Variants in HMCN1 observed in about 807,000 individuals in gnomAD.
HMCN1 encodes the protein hemicentin 1.
In HMCN1, 321 loss-of-function variants were observed where a neutral mutation model predicts 625.9. The observed-to-expected ratio is 0.51, with a 90% CI of 0.47 to 0.56. HMCN1 has a LOEUF of 0.56. Ranked by LOEUF, HMCN1 falls within the 20% of genes least tolerant of loss-of-function variation. HMCN1 has a pLI of 0.00. For synonymous variants in HMCN1, 2,425 were observed against 2,417.6 expected (o/e 1.00, Z -0.09); for missense variants, 6,588 against 6,887.3 (o/e 0.96, Z 1.54).
intron 4 of HMCN1, among the ~76,000 whole-genome samples, chr1:185,889,946 C>A (rs1288411944): frequency 6.7e-6 from 1 of 148,870 alleles, no homozygotes; most frequent in Non-Finnish European, 1.5e-5. Context: ...GTCTTTGACA[C>A]TTTTTGGTTG....
intron 1 of HMCN1, among the ~76,000 whole-genome samples, chr1:185,816,242 T>C (rs1659841385): frequency 6.6e-6 from 1 of 152,234 alleles, no homozygotes; most frequent in Non-Finnish European, 1.5e-5. Flanking sequence ...ATCCATGTGC[T>C]AGGCTGACTT....
intron 11 of HMCN1, among the ~76,000 whole-genome samples, chr1:185,956,670 T>A (rs11586893): frequency 0.19 from 29,265 of 152,014 alleles, 3,315 homozygotes; most frequent in Non-Finnish European, 0.25. Flanking sequence ...GTAGACATGA[T>A]TGATTACATC....
At chr1:186,019,367 A>G (rs183488730) in intron 34 of HMCN1, among the ~76,000 whole-genome samples, 174 bp from the exon 35 acceptor site, 1 of 152,188 alleles carries the variant, frequency 6.6e-6, no homozygotes, top group East Asian at 1.9e-4. Context: ...ACTAATCTAT[A>G]AACTTGCTAA....
At chr1:186,005,467 GTT>G (rs1234146932) in intron 29 of HMCN1, among the ~76,000 whole-genome samples, 1 of 142,046 alleles carries the variant, frequency 7.0e-6, no homozygotes, top group Non-Finnish European at 1.5e-5. Flanking sequence ...TTATAAACAA[GTT>G]TTTAATTGTT....
chr1:186,175,725 AAG>A (rs1289562455), intron 103 of HMCN1, among the ~76,000 whole-genome samples: 1 of 152,080 alleles, frequency 6.6e-6, no homozygotes, highest in East Asian at 1.9e-4. Context: ...GCCTCAATAA[AAG>A]AGTTAAAATG....
chr1:186,094,404 T>A, intron 67 of HMCN1, 31 bp downstream of exon 67: 1 of 1,492,366 alleles, frequency 6.7e-7, no homozygotes, highest in Non-Finnish European at 9.3e-7. Context: ...CCTATTACTT[T>A]GCTATGTCAA....
intron 1 of HMCN1, among the ~76,000 whole-genome samples, chr1:185,807,783 T>C (rs1479454949): frequency 3.9e-5 from 6 of 152,156 alleles, no homozygotes; most frequent in Admixed American, 3.9e-4. Flanking sequence ...TGATAATACT[T>C]TTTTTCCTTG....
At position 185,864,633 on chromosome 1, in the gene HMCN1, G is replaced by C. The variant is rs1292163023; in HGVS notation, c.498+5G>C. On this transcript the variant is annotated splice_donor_5th_base_variant and intron_variant, in intron 3 of 106. Transcript: ENST00000271588. The stretch of plus-strand genomic sequence containing the variant: ...ATCCAACAGAAACAGTCACAAGTGA[G>C]TAAGAATCAACCCCAAACGTCTCTG... 2 of 1,613,552 alleles carry C rather than the reference G, an allele frequency of 1.2e-6. No individual in the cohort carries two copies. The highest frequency in any genetic ancestry group is 1.7e-6 in the Non-Finnish European group (2 of 1,179,700).
chr1:186,035,870 CA>C lies in HMCN1; in HGVS notation c.5750-2063del, dbSNP rs1270970209. ...AAACACACACATACACATATGCATA[CA>C]CAATCTGCATGGGTACTTTTATTTT... is the stretch of plus-strand genomic sequence containing the variant. On this transcript the variant is annotated intron_variant, in intron 36 of 106. Transcript: ENST00000271588. Among the ~76,000 whole-genome samples the C allele has an allele frequency of 3.3e-5, 5 of 152,206 alleles. No individual in the cohort carries two copies. The East Asian group carries it at 5.8e-4, about 18-fold the overall frequency.
chr1:186,001,271 C>G (rs1222712703), intron 26 of HMCN1, 27 bp from the exon 27 acceptor site: 3 of 1,592,908 alleles, frequency 1.9e-6, no homozygotes, highest in South Asian at 1.1e-5. Context: ...ATGAAACTAG[C>G]TAGCTATGAC....
At chr1:186,139,016 A>C (rs1239634525) in intron 89 of HMCN1, among the ~76,000 whole-genome samples, 3 of 152,200 alleles carry the variant, frequency 2.0e-5, no homozygotes, top group Non-Finnish European at 4.4e-5. Context: ...TACCCAAAAA[A>C]CTCAGAGACT....
intron 1 of HMCN1, among the ~76,000 whole-genome samples, chr1:185,774,819 A>G (rs993967080): frequency 4.6e-5 from 7 of 152,186 alleles, no homozygotes; most frequent in African/African-American, 1.7e-4. Flanking sequence ...ATGACTTTGG[A>G]AACTTAGGGT....
rs1650151052 is a variant in HMCN1, at chr1:186,144,357, ACT to A, written c.14095+15_14095+16del. ...GAAATTGTCCAAGTAAGAGAAATAC[ACT>A]GTTTATACCTTAATAAATTAACATC... On this transcript the variant is annotated intron_variant, in intron 90 of 106. Coordinates refer to ENST00000271588, the MANE Select transcript of HMCN1 (RefSeq NM_031935.3). 1 of 1,611,998 alleles carries A rather than the reference ACT, an allele frequency of 6.2e-7. No homozygotes were observed. Among genetic ancestry groups the A allele is most frequent in the South Asian group, 1.1e-5 (1 of 91,010 alleles).
intron 34 of HMCN1, 112 bp from the exon 35 acceptor site, chr1:186,019,429 G>T (rs1318667838): frequency 1.3e-6 from 1 of 757,438 alleles, no homozygotes; most frequent in African/African-American, 2.3e-5. Flanking sequence ...TTAAAATAGG[G>T]ATTTGCTTTT....
chr1:186,145,635 C>A (rs1025784767), intron 92 of HMCN1, 62 bp downstream of exon 92: 4 of 1,608,866 alleles, frequency 2.5e-6, no homozygotes, highest in Non-Finnish European at 3.4e-6. Context: ...CTCATTGTAG[C>A]AGGCCTATTG....
rs773447447 is a variant in HMCN1, at chr1:186,062,572, G to C, written c.7485G>C (p.Gln2495His). Residue 2495 changes from glutamine to histidine, a missense_variant, in exon 48 of 107, where the codon CAG becomes CAC. Physicochemically the swap from Gln to His is conservative, Grantham distance 24. This residue lies in a region of HMCN1 where 4,628 missense variants were observed against 4,853.1 expected (regional missense o/e 0.95). Coordinates refer to ENST00000271588, the MANE Select transcript of HMCN1 (RefSeq NM_031935.3). ...TLEDVKVKEK[Q>H]SVTLTCEVTG... ...AAGATGTGAAGGTAAAAGAGAAACA[G>C]AGTGTTACGCTGACTTGTGAAGTGA... The C allele has an allele frequency of 7.4e-6, 12 of 1,612,768 alleles. No homozygotes were observed. The highest frequency in any genetic ancestry group is 1.0e-5 in the Non-Finnish European group (12 of 1,178,990).
chr1:186,127,554 G>A (rs970926288), intron 82 of HMCN1, among the ~76,000 whole-genome samples: 2 of 152,052 alleles, frequency 1.3e-5, no homozygotes, highest in African/African-American at 2.4e-5. Flanking sequence ...AGGTGGTTTC[G>A]CATAGAAAGG....
At chr1:185,911,199 G>A (rs112746224) in intron 5 of HMCN1, among the ~76,000 whole-genome samples, 138 of 152,172 alleles carry the variant, frequency 9.1e-4, no homozygotes, top group African/African-American at 3.2e-3. Context: ...ATTCTGGTTT[G>A]CTGTGTTTTC....
intron 71 of HMCN1, among the ~76,000 whole-genome samples, chr1:186,112,233 C>G (rs916986405): frequency 6.6e-6 from 1 of 151,932 alleles, no homozygotes; most frequent in African/African-American, 2.4e-5. Context: ...CTAAGTTAAC[C>G]AAAGTTAGTC....
Sources: allele counts gnomAD v4.1 joint callset (sites outside exome capture counted in the v4.1 genomes callset), GRCh38; gene constraint gnomAD v4.1.1; regional missense constraint gnomAD v4.1.1; transcripts MANE v1.5; gene names NCBI Gene and HGNC (gene_info 2026-07-23, HGNC 2026-07-21).